The following PDZD8 variants were observed in gnomAD, a reference collection of about 807,000 sequenced individuals.
PDZD8 encodes PDZ domain-containing protein 8.
PDZD8 carries 14 observed loss-of-function variants against 85.8 expected under a neutral mutation model. The observed-to-expected ratio is 0.16, with a 90% CI of 0.11 to 0.26. The LOEUF is 0.26. PDZD8 is among the 10% of genes least tolerant of loss of function. The pLI is 1.00. For missense variants in PDZD8, 1,197 were observed against 1,424.3 expected (o/e 0.84, Z 2.57); for synonymous variants, 592 against 568.6 (o/e 1.04, Z -0.59).
At position 117,360,467 on chromosome 10, in the gene PDZD8, C is replaced by T. The variant is rs144047046; in HGVS notation, c.872+13889G>A. On this transcript the variant is annotated intron_variant, in intron 1 of 4. Transcript: ENST00000334464. ...TTCTCTACCAGCCCCCCAACACACA[C>T]CATTGAATGAGAATATAAAAATGAC... Among the ~76,000 whole-genome samples the T allele has an allele frequency of 1.8e-3, 273 of 152,166 alleles. 1 individual carries two copies. The highest frequency in any genetic ancestry group is 2.6e-3 in the Non-Finnish European group (178 of 68,004).
At chr10:117,315,587 C>CAAAAAAAAAAA (rs35866840) in intron 3 of PDZD8, among the ~76,000 whole-genome samples, 5 of 42,104 alleles carry the variant, frequency 1.2e-4, no homozygotes, top group East Asian at 7.0e-4. Flanking sequence ...TAGACTCTCT[C>CAAAAAAAAAAA]AAAAAAAAAA....
At chr10:117,365,123 CAA>C (rs11313668) in intron 1 of PDZD8, among the ~76,000 whole-genome samples, 84 of 148,296 alleles carry the variant, frequency 5.7e-4, no homozygotes, top group African/African-American at 1.9e-3. Flanking sequence ...AAATATATGC[CAA>C]AAAAAAAATG....
intron 3 of PDZD8, among the ~76,000 whole-genome samples, chr10:117,303,791 C>A (rs1158899273): frequency 6.6e-6 from 1 of 152,252 alleles, no homozygotes; most frequent in South Asian, 2.1e-4. Context: ...AGGGTGGAAG[C>A]CCCCAAGCCT....
intron 1 of PDZD8, among the ~76,000 whole-genome samples, chr10:117,373,362 G>A (rs1845225506): frequency 1.3e-5 from 2 of 152,072 alleles, no homozygotes; most frequent in Non-Finnish European, 2.9e-5. Context: ...GGCAGAGTCT[G>A]GATCTGTGTT....
chr10:117,359,603 C>T (rs1043866608), intron 1 of PDZD8, among the ~76,000 whole-genome samples: 4 of 151,514 alleles, frequency 2.6e-5, no homozygotes, highest in African/African-American at 4.9e-5. Context: ...CCCAACTGCT[C>T]GAGAGGCTGA....
rs71475194 is a variant in PDZD8, at chr10:117,370,918, T to TTGTGTGTGTGTGTGTGTG, written c.872+3420_872+3437dup. Among the ~76,000 whole-genome samples the TTGTGTGTGTGTGTGTGTG allele has an allele frequency of 8.9e-3, 1,305 of 146,426 alleles. 17 individuals are homozygous for TTGTGTGTGTGTGTGTGTG. Among genetic ancestry groups the TTGTGTGTGTGTGTGTGTG allele is most frequent in the East Asian group, 0.026 (126 of 4,826 alleles). On this transcript the variant is annotated intron_variant, in intron 1 of 4. Coordinates refer to ENST00000334464, the MANE Select transcript of PDZD8 (RefSeq NM_173791.5). ...ATAAATCACTTAAGAACAACATAGT[T>TTGTGTGTGTGTGTGTGTG]TGTGTGTGTGTGTGTGTGTGTGTGT...
At chr10:117,329,490 C>G (rs1357539339) in intron 2 of PDZD8, among the ~76,000 whole-genome samples, 1 of 152,020 alleles carries the variant, frequency 6.6e-6, no homozygotes, top group African/African-American at 2.4e-5. Flanking sequence ...TGTGAAAAAT[C>G]AGACCTTGGC....
At chr10:117,295,231 A>G (rs1476485084) in intron 3 of PDZD8, among the ~76,000 whole-genome samples, 3 of 152,128 alleles carry the variant, frequency 2.0e-5, no homozygotes. Context: ...CATGGTAACA[A>G]ATTCCTCCTA....
intron 1 of PDZD8, among the ~76,000 whole-genome samples, chr10:117,351,150 C>T (rs1487453869): frequency 1.3e-5 from 2 of 152,018 alleles, no homozygotes; most frequent in South Asian, 2.1e-4. Context: ...AGTAGAGATC[C>T]ACCCTATGAC....
In PDZD8 at chr10:117,366,121, G is replaced by A. The variant is rs139177836; in HGVS notation, c.872+8235C>T. Among the ~76,000 whole-genome samples, 590 of 152,096 alleles carry A rather than the reference G, an allele frequency of 3.9e-3. 4 individuals are homozygous for A. Among genetic ancestry groups the A allele is most frequent in the African/African-American group, 0.013 (559 of 41,488 alleles). ...CCCCTCCTCCAGCATTTTTAGAAAC[G>A]CCTGAGCCATATGAATCCTATATAC... On this transcript the variant is annotated intron_variant, in intron 1 of 4. Coordinates refer to ENST00000334464, the MANE Select transcript of PDZD8 (RefSeq NM_173791.5).
intron 2 of PDZD8, 130 bp from the exon 3 acceptor site, chr10:117,319,104 A>T (rs1844181312): frequency 1.5e-6 from 1 of 646,900 alleles, no homozygotes; most frequent in African/African-American, 1.9e-5. Flanking sequence ...CAGAAAAAAA[A>T]ATTAAGTCAA....
In PDZD8 at chr10:117,359,748, C is replaced by T. The variant is rs534539449; in HGVS notation, c.872+14608G>A. Among the ~76,000 whole-genome samples, 16 of 152,134 alleles carry T rather than the reference C, an allele frequency of 1.1e-4. No homozygotes were observed. The South Asian group carries it at 3.3e-3, about 32-fold the overall frequency. On this transcript the variant is annotated intron_variant, in intron 1 of 4. Transcript: ENST00000334464. ...AACAAACAAACAAAAAGTCAGCATG[C>T]CACCCTACCTTAGTTATCACCTTTG...
At chr10:117,346,512 A>G (rs888928854) in intron 1 of PDZD8, among the ~76,000 whole-genome samples, 3 of 152,008 alleles carry the variant, frequency 2.0e-5, no homozygotes, top group Non-Finnish European at 4.4e-5. Flanking sequence ...GTTATTAATA[A>G]GTAATTTTTA....
At position 117,285,083 on chromosome 10, in the gene PDZD8, G is replaced by C. The variant is rs369780916; in HGVS notation, c.1650C>G (p.His550Gln). 6.2e-7 allele frequency: 1 copy of C among 1,613,996 alleles called. No individual in the cohort carries two copies. The highest frequency in any genetic ancestry group is 8.5e-7 in the Non-Finnish European group (1 of 1,179,914). Residue 550 changes from histidine (H) to glutamine (Q), a missense_variant, in exon 5 of 5, where the codon CAC becomes CAG. Coordinates refer to ENST00000334464, the MANE Select transcript of PDZD8 (RefSeq NM_173791.5). ...VLNRKLAVGSHPLPPKIQSKD... is the reference protein window; with the variant it reads ...VLNRKLAVGSQPLPPKIQSKD... Reference sequence around the variant, plus strand: ...TGGACTGAATTTTCGGTGGTAGTGGGTGACTTCCTACAGCTAATTTACGGT... The same window carrying C: ...TGGACTGAATTTTCGGTGGTAGTGGCTGACTTCCTACAGCTAATTTACGGT...
chr10:117,293,824 A>G (rs1843708029), intron 3 of PDZD8, among the ~76,000 whole-genome samples: 1 of 152,138 alleles, frequency 6.6e-6, no homozygotes, highest in South Asian at 2.1e-4. Context: ...TGAAACAAAT[A>G]TCAGTAATTT....
intron 3 of PDZD8, among the ~76,000 whole-genome samples, chr10:117,298,397 AG>A (rs1487606358): frequency 1.3e-5 from 2 of 152,194 alleles, no homozygotes; most frequent in Middle Eastern, 3.4e-3. Context: ...TTTTTTCTCT[AG>A]ATAATATGCA....
intron 3 of PDZD8, among the ~76,000 whole-genome samples, chr10:117,304,995 T>C (rs1347903339): frequency 6.6e-6 from 1 of 152,186 alleles, no homozygotes; most frequent in Admixed American, 6.5e-5. Context: ...TGTGGAACTT[T>C]TAGATACAAA....
intron 2 of PDZD8, among the ~76,000 whole-genome samples, chr10:117,335,231 A>G (rs764463264): frequency 6.6e-6 from 1 of 152,244 alleles, no homozygotes; most frequent in South Asian, 2.1e-4. Flanking sequence ...TGCTGAAGGA[A>G]CAGATGAAAG....
intron 2 of PDZD8, among the ~76,000 whole-genome samples, chr10:117,325,188 G>T (rs574044237): frequency 6.6e-6 from 1 of 151,900 alleles, no homozygotes; most frequent in African/African-American, 2.4e-5. Flanking sequence ...CAGCCCAGCC[G>T]GTGGTCTTAT....
Sources: allele counts gnomAD v4.1 joint callset (sites outside exome capture counted in the v4.1 genomes callset), GRCh38; gene constraint gnomAD v4.1.1; transcripts MANE v1.5; gene names NCBI Gene and HGNC (gene_info 2026-07-23, HGNC 2026-07-21).